The following IL4R variants were observed in gnomAD, a reference collection of about 807,000 sequenced individuals.
IL4R encodes interleukin-4 receptor subunit alpha.
IL4R carries 17 observed loss-of-function variants against 41.5 expected under a neutral mutation model. That is an observed-to-expected ratio of 0.41 (90% CI 0.28 to 0.61). IL4R has a LOEUF of 0.61. IL4R is among the 20% of genes least tolerant of loss of function. IL4R has a pLI of 0.31. For missense variants in IL4R, 974 were observed against 1,043.1 expected, an observed-to-expected ratio of 0.93 and a Z score of 0.91; for synonymous variants, 402 against 422.9, an observed-to-expected ratio of 0.95 and a Z score of 0.61.
In IL4R at chr16:27,345,213, G is replaced by T. The variant is rs750955526; in HGVS notation, c.361+193G>T. 1.7e-5 allele frequency: 12 copies of T among 723,376 alleles called. No individual in the cohort carries two copies. Among genetic ancestry groups the T allele is most frequent in the South Asian group, 3.0e-5 (2 of 67,320 alleles). 44.8% of individuals were successfully genotyped at this position (723,376 alleles called of 1,614,324 possible). ...TCCCACCTTTGAAACGGAGCTGGTC[G>T]CAGTAGACCACCAAGCCCCCTTCAG... On this transcript the variant is annotated intron_variant, in intron 5 of 10. Transcript: ENST00000395762. This position sits in a 1 kb window ranked among gnomAD's most constrained non-coding sequence, Gnocchi z 4.5.
chr16:27,352,579 C>A lies in IL4R; in HGVS notation c.553C>A (p.Arg185Ser). The change falls in exon 7 of 11, where the codon CGC (arginine) becomes AGC (serine). Residue 185 changes from arginine to serine, a missense_variant. Arg to Ser is a moderately radical substitution (Grantham distance 110, BLOSUM62 -1). Around this residue, in one of 3 missense-constraint regions of IL4R, gnomAD observed 284 missense variants for 313.4 expected, o/e 0.91. Coordinates refer to ENST00000395762, the MANE Select transcript of IL4R (RefSeq NM_000418.4). ...CGTGACCTACCTAGAACCCTCCCTC[C>A]GCATCGCAGCCAGCACCCTGAAGTC... ...YNVTYLEPSLRIAASTLKSGI... is the reference protein window; with the variant it reads ...YNVTYLEPSLSIAASTLKSGI... 6.2e-7 allele frequency: 1 copy of A among 1,614,172 alleles called. No homozygotes were observed. Among genetic ancestry groups the A allele is most frequent in the Non-Finnish European group, 8.5e-7 (1 of 1,179,990 alleles).
intron 2 of IL4R, among the ~76,000 whole-genome samples, chr16:27,339,074 C>T (rs377259518): frequency 1.3e-5 from 2 of 151,934 alleles, no homozygotes; most frequent in East Asian, 1.9e-4. Flanking sequence ...AGGCTGATCT[C>T]GAACTCCTGA....
chr16:27,328,627 T>C (rs1362572371), intron 1 of IL4R, among the ~76,000 whole-genome samples: 1 of 152,194 alleles, frequency 6.6e-6, no homozygotes, highest in African/African-American at 2.4e-5. Flanking sequence ...TTTCAGGCAC[T>C]GGGGATAAAG....
In IL4R at chr16:27,362,820, G is replaced by A. The variant is rs777951650; in HGVS notation, c.1468G>A (p.Val490Ile). 1.1e-5 allele frequency: 17 copies of A among 1,613,992 alleles called. No individual in the cohort carries two copies. The highest frequency in any genetic ancestry group is 8.9e-5 in the East Asian group (4 of 44,884). The change falls in exon 11 of 11, where the codon GTC becomes ATC. Residue 490 changes from valine to isoleucine, a missense_variant. This residue lies in a region of IL4R where 682 missense variants were observed against 704.3 expected (regional missense o/e 0.97). Coordinates refer to ENST00000395762, the MANE Select transcript of IL4R (RefSeq NM_000418.4). ...DNLTCTETPL[V>I]IAGNPAYRSF... ...CCTGACTTGCACAGAGACGCCCCTC[G>A]TCATCGCAGGCAACCCTGCTTACCG...
At chr16:27,314,232 G>A (rs1367198027) in intron 1 of IL4R, 3 of 517,938 alleles carry the variant, frequency 5.8e-6, no homozygotes, top group East Asian at 3.0e-4. Flanking sequence ...GAGGCCCGGG[G>A]TACGTGGACA....
intron 2 of IL4R, among the ~76,000 whole-genome samples, chr16:27,337,398 G>T (rs1001491509): frequency 6.6e-6 from 1 of 152,044 alleles, no homozygotes; most frequent in Admixed American, 6.6e-5. Flanking sequence ...CACAGCCAGA[G>T]CACCAAAAGA....
Position 27,356,084 on chromosome 16 carries a change from CTT to C in IL4R, c.770+201_770+202del, listed in dbSNP as rs36125482. ...ATATCGACAAGGACCCCACTTTTTTCTTTTTTTTTTTTTTTTTTTTTTTTTGA... is the reference window on the plus strand; with the variant it reads ...ATATCGACAAGGACCCCACTTTTTTCTTTTTTTTTTTTTTTTTTTTTTTGA... On this transcript the variant is annotated intron_variant, in intron 8 of 10. Coordinates refer to ENST00000395762, the MANE Select transcript of IL4R (RefSeq NM_000418.4). 4.4e-3 allele frequency among the ~76,000 whole-genome samples: 495 copies of C among 113,500 alleles called. 4 individuals carry two copies. The highest frequency in any genetic ancestry group is 0.012 in the African/African-American group (362 of 29,224). The allele number at this position is 113,500 out of a possible 152,430, so 74.5% of individuals were successfully genotyped here.
In IL4R at chr16:27,363,758, T is replaced by G. The variant is rs1284550552; in HGVS notation, c.2406T>G (p.Ala802=). The change falls in exon 11 of 11, where the codon GCT becomes GCG. Residue 802 remains alanine (A), a synonymous_variant. Transcript: ENST00000395762. The part of the protein sequence containing the change: ...SSSFHPAPGN[A]QSSSQTPKIV... ...CCTTCCATCCTGCCCCTGGCAATGC[T>G]CAGAGCTCAAGCCAGACCCCCAAAA... 6.2e-7 allele frequency: 1 copy of G among 1,612,676 alleles called. No homozygotes were observed. Among genetic ancestry groups the G allele is most frequent in the East Asian group, 2.2e-5 (1 of 44,866 alleles).
chr16:27,359,737 A>G (rs2086214647), intron 9 of IL4R: 1 of 448,590 alleles, frequency 2.2e-6, no homozygotes, highest in South Asian at 1.6e-5. Context: ...TAGGACAGAT[A>G]TTGGAATTTA....
At chr16:27,353,736 T>C (rs1487022635) in intron 7 of IL4R, among the ~76,000 whole-genome samples, 1 of 152,214 alleles carries the variant, frequency 6.6e-6, no homozygotes, top group Non-Finnish European at 1.5e-5. Context: ...TGGGCTCCAG[T>C]GATCTTCCCA....
intron 1 of IL4R, among the ~76,000 whole-genome samples, chr16:27,319,721 G>C (rs1185784638): frequency 6.6e-6 from 1 of 152,242 alleles, no homozygotes; most frequent in East Asian, 1.9e-4. Flanking sequence ...GTGAGTGAGC[G>C]AAGTTTTATC....
At chr16:27,318,099 C>A (rs2084699359) in intron 1 of IL4R, among the ~76,000 whole-genome samples, 1 of 152,130 alleles carries the variant, frequency 6.6e-6, no homozygotes, top group Admixed American at 6.5e-5. Flanking sequence ...TTTCTGAAAA[C>A]CGAAAGTTTT....
chr16:27,355,929 G>T, intron 8 of IL4R, 22 bp downstream of exon 8: 1 of 1,555,616 alleles, frequency 6.4e-7, no homozygotes. Flanking sequence ...GCCCAGTGCT[G>T]CCGAGCAGTC....
chr16:27,361,642 G>T (rs2141219480), intron 10 of IL4R, among the ~76,000 whole-genome samples: 1 of 142,712 alleles, frequency 7.0e-6, no homozygotes, highest in East Asian at 2.0e-4. Flanking sequence ...TGGACGCAGG[G>T]TCTTGCTGTG....
Position 27,363,616 on chromosome 16 carries a change from C to A in IL4R, c.2264C>A (p.Pro755His). 1 of 1,613,960 alleles carries A rather than the reference C, an allele frequency of 6.2e-7. No individual in the cohort carries two copies. The highest frequency in any genetic ancestry group is 8.5e-7 in the Non-Finnish European group (1 of 1,179,966). The change falls in exon 11 of 11, where the codon CCT becomes CAT. Residue 755 changes from proline (P) to histidine (H), a missense_variant. Physicochemically the swap from Pro to His is moderately conservative, Grantham distance 77 (BLOSUM62 -2). This residue lies in a region of IL4R where 682 missense variants were observed against 704.3 expected (regional missense o/e 0.97). Transcript: ENST00000395762. Reference protein sequence around the residue: ...GCCCGDRSSPPTTPLRAPDPS... With the variant: ...GCCCGDRSSPHTTPLRAPDPS... ...TGCTGTGGAGACAGGTCCTCGCCCC[C>A]TACAACCCCCCTGAGGGCCCCAGAC... is the stretch of plus-strand genomic sequence containing the variant.
chr16:27,334,234 A>T (rs1470625335), intron 2 of IL4R: 1 of 152,126 alleles, frequency 6.6e-6, no homozygotes, highest in Non-Finnish European at 1.5e-5. Context: ...CTTGCCGTGT[A>T]CTTGAACGCG....
chr16:27,361,959 T>G (rs1280274940), intron 10 of IL4R, among the ~76,000 whole-genome samples: 1 of 152,038 alleles, frequency 6.6e-6, no homozygotes, highest in Admixed American at 6.6e-5. Flanking sequence ...GGGATAATGG[T>G]GTTGCTTTTA....
At chr16:27,331,842 G>A (rs543052514) in intron 2 of IL4R, among the ~76,000 whole-genome samples, 1 of 152,038 alleles carries the variant, frequency 6.6e-6, no homozygotes, top group African/African-American at 2.4e-5. Flanking sequence ...ATTTCTCCTT[G>A]CTGCTCTCAG....
Position 27,340,207 on chromosome 16 carries a change from G to T in IL4R, c.4G>T (p.Gly2Trp), listed in dbSNP as rs768492688. M[G>W]WLCSGLLFPV... ...GCAGGTGCCTTGGCATCTCCCAATG[G>T]GGTGGCTTTGCTCTGGGCTCCTGTT... Residue 2 changes from glycine (G) to tryptophan (W), a missense_variant, in exon 3 of 11, where the codon GGG becomes TGG. Transcript: ENST00000395762. 3.1e-6 allele frequency: 5 copies of T among 1,613,464 alleles called. No homozygotes were observed. The Admixed American group carries it at 5.0e-5, about 16-fold the overall frequency.
Sources: allele counts gnomAD v4.1 joint callset (sites outside exome capture counted in the v4.1 genomes callset), GRCh38; gene constraint gnomAD v4.1.1; regional missense constraint gnomAD v4.1.1; non-coding constraint Gnocchi (gnomAD v3.1); transcripts MANE v1.5; gene names NCBI Gene and HGNC (gene_info 2026-07-23, HGNC 2026-07-21).